Variants in TRIM33 observed in about 807,000 individuals in gnomAD.
TRIM33 encodes the protein tripartite motif containing 33.
In TRIM33, 20 loss-of-function variants were observed where a neutral mutation model predicts 125.4. The ratio of observed to expected loss-of-function variants is 0.16; its 90% CI spans 0.11 to 0.23. The LOEUF is 0.23. Among genes scored for constraint, TRIM33 ranks in the 10% least tolerant of loss-of-function variants. The pLI is 1.00. For synonymous variants in TRIM33, 564 were observed against 513.9 expected, an observed-to-expected ratio of 1.10 and a Z score of -1.32; for missense variants, 920 against 1,411.4, an observed-to-expected ratio of 0.65 and a Z score of 5.58.
chr1:114,399,787 T>C (rs1258465445), intron 17 of TRIM33, among the ~76,000 whole-genome samples, 178 bp from the exon 18 acceptor site: 1 of 152,168 alleles, frequency 6.6e-6, no homozygotes, highest in African/African-American at 2.4e-5. Flanking sequence ...TTATGTGGCA[T>C]ATGTGCCAAT....
chr1:114,427,712 T>C, intron 7 of TRIM33, 36 bp downstream of exon 7: 3 of 1,590,870 alleles, frequency 1.9e-6, no homozygotes, highest in Admixed American at 1.7e-5. Context: ...CTTAATAAAG[T>C]CCATTAAAGA....
chr1:114,473,051 T>TA (rs1247482863), intron 1 of TRIM33, among the ~76,000 whole-genome samples: 1 of 151,944 alleles, frequency 6.6e-6, no homozygotes, highest in Non-Finnish European at 1.5e-5. Flanking sequence ...GGTCAAGAGA[T>TA]AGAGACCATC....
intron 1 of TRIM33, among the ~76,000 whole-genome samples, chr1:114,476,631 T>C (rs992827027): frequency 1.3e-5 from 2 of 151,586 alleles, no homozygotes; most frequent in Non-Finnish European, 2.9e-5. Context: ...GAAAAAAACA[T>C]AGAGAAGTCA....
intron 4 of TRIM33, among the ~76,000 whole-genome samples, chr1:114,443,389 G>A (rs1251849316): frequency 1.4e-5 from 2 of 146,976 alleles, no homozygotes; most frequent in East Asian, 4.0e-4. Flanking sequence ...ATCTCAAAAT[G>A]AATGAATGAA....
Position 114,396,271 on chromosome 1 carries a change from C to T in TRIM33, c.*1377G>A, listed in dbSNP as rs1215169322. 2 of 204,270 alleles carry T rather than the reference C, an allele frequency of 9.8e-6. No individual in the cohort carries two copies. Among genetic ancestry groups the T allele is most frequent in the Non-Finnish European group, 2.0e-5 (2 of 99,322 alleles). 12.7% of individuals were successfully genotyped at this position (204,270 alleles called of 1,614,324 possible). A position where few individuals can be genotyped will look rare whatever the true frequency, so the allele number is the denominator to read the frequency against. On this transcript the variant is annotated 3_prime_UTR_variant, in exon 20 of 20. Coordinates refer to ENST00000358465, the MANE Select transcript of TRIM33 (RefSeq NM_015906.4). ...ACCAGAGCCAAGTTGGTTTATCGGCCTCGGGTGCTGTAATTGGGGTGGTAA... is the reference window on the plus strand; with the variant it reads ...ACCAGAGCCAAGTTGGTTTATCGGCTTCGGGTGCTGTAATTGGGGTGGTAA...
intron 17 of TRIM33, 49 bp downstream of exon 17, chr1:114,401,340 T>C (rs781176604): frequency 2.6e-6 from 4 of 1,528,456 alleles, no homozygotes; most frequent in Non-Finnish European, 1.8e-6. Context: ...GCCCATACTC[T>C]TAAGTATTAT....
intron 4 of TRIM33, among the ~76,000 whole-genome samples, chr1:114,458,939 G>T (rs2101353540): frequency 6.6e-6 from 1 of 152,248 alleles, no homozygotes; most frequent in East Asian, 1.9e-4. Context: ...GTAGTAATGG[G>T]AAGCTGGCTT....
intron 11 of TRIM33, among the ~76,000 whole-genome samples, chr1:114,416,436 C>CTTCTAG (rs1557851209): frequency 6.6e-6 from 1 of 152,028 alleles, no homozygotes. Flanking sequence ...TTCTAGTTAC[C>CTTCTAG]TAACTATATC....
At chr1:114,412,262 G>T (rs1271528842) in intron 11 of TRIM33, among the ~76,000 whole-genome samples, 1 of 152,130 alleles carries the variant, frequency 6.6e-6, no homozygotes, top group Admixed American at 6.6e-5. Flanking sequence ...ATTACTTTTG[G>T]CCCAGTAATT....
chr1:114,422,811 G>C (rs1647292061), intron 10 of TRIM33, among the ~76,000 whole-genome samples: 2 of 152,120 alleles, frequency 1.3e-5, no homozygotes, highest in South Asian at 4.1e-4. Flanking sequence ...AAATAGTTTT[G>C]ATAGATCGTT....
intron 1 of TRIM33, chr1:114,468,683 TAAA>T (rs1208196879): frequency 2.3e-6 from 1 of 441,954 alleles, no homozygotes; most frequent in Non-Finnish European, 4.5e-6. Context: ...TGCTTGGCAA[TAAA>T]AAGAAGAAAA....
chr1:114,510,366 G>T (rs1036852207), intron 1 of TRIM33, among the ~76,000 whole-genome samples, 185 bp downstream of exon 1: 2 of 152,018 alleles, frequency 1.3e-5, no homozygotes, highest in Admixed American at 6.6e-5. Context: ...CTCCCTTCAT[G>T]CTCCCCTTAT....
At chr1:114,501,428 G>T (rs1652709245) in intron 1 of TRIM33, among the ~76,000 whole-genome samples, 1 of 152,190 alleles carries the variant, frequency 6.6e-6, no homozygotes, top group African/African-American at 2.4e-5. Flanking sequence ...AGGACTACTA[G>T]AGTATCTTTC....
At chr1:114,457,059 G>A (rs565587679) in intron 4 of TRIM33, among the ~76,000 whole-genome samples, 3 of 152,266 alleles carry the variant, frequency 2.0e-5, no homozygotes, top group South Asian at 4.1e-4. Context: ...GGGTATATCC[G>A]TGTTTTGAAG....
intron 16 of TRIM33, 44 bp from the exon 17 acceptor site, chr1:114,401,507 C>T (rs760045245): frequency 3.9e-6 from 6 of 1,522,380 alleles, no homozygotes; most frequent in South Asian, 1.1e-5. Flanking sequence ...TATTTTTCTC[C>T]TAATAAAACA....
Position 114,410,261 on chromosome 1 carries a change from C to T in TRIM33, c.2117G>A (p.Gly706Asp). 3 of 1,613,860 alleles carry T rather than the reference C, an allele frequency of 1.9e-6. No individual in the cohort carries two copies. The highest frequency in any genetic ancestry group is 2.5e-6 in the Non-Finnish European group (3 of 1,179,940). ...TGTAGGCTGTGGGGGTAGGTGACTG[C>T]CTGAGATGTATCTACTTAGTAGATT... Reference protein sequence around the residue: ...LDNLLSRYISGSHLPPQPTST... With the variant: ...LDNLLSRYISDSHLPPQPTST... The change falls in exon 12 of 20, where the codon GGC becomes GAC. Residue 706 changes from glycine to aspartate, a missense_variant. Physicochemically the swap from Gly to Asp is moderately conservative, Grantham distance 94. Around this residue, in one of 8 missense-constraint regions of TRIM33, gnomAD observed 407 missense variants for 589.7 expected, o/e 0.69. Coordinates refer to ENST00000358465, the MANE Select transcript of TRIM33 (RefSeq NM_015906.4).
Position 114,410,285 on chromosome 1 carries a change from T to C in TRIM33, c.2093A>G (p.Asn698Ser). 1 of 1,613,668 alleles carries C rather than the reference T, an allele frequency of 6.2e-7. No homozygotes were observed. Among genetic ancestry groups the C allele is most frequent in the Non-Finnish European group, 8.5e-7 (1 of 1,179,862 alleles). ...LEDAGSSSLD[N>S]LLSRYISGSH... ...GCCTGAGATGTATCTACTTAGTAGA[T>C]TATCTAAACTACTTGAGCCAGCATC... The change falls in exon 12 of 20, where the codon AAT (asparagine) becomes AGT (serine). Residue 698 changes from asparagine to serine, a missense_variant. Physicochemically the swap from Asn to Ser is conservative, Grantham distance 46 (BLOSUM62 1). Transcript: ENST00000358465.
intron 1 of TRIM33, among the ~76,000 whole-genome samples, chr1:114,473,256 C>CA (rs35627159): frequency 0.28 from 29,308 of 105,938 alleles, 3,238 homozygotes; most frequent in Middle Eastern, 0.33. Context: ...GACTCTGTCT[C>CA]AAAAAAAAAA....
In TRIM33 at chr1:114,500,962, G is replaced by A. The variant is rs1452789978; in HGVS notation, c.526+9589C>T. Among the ~76,000 whole-genome samples the A allele has an allele frequency of 1.1e-4, 14 of 127,956 alleles. 3 individuals are homozygous for A. The highest frequency in any genetic ancestry group is 9.5e-4 in the Admixed American group (13 of 13,660). The allele number at this position is 127,956 out of a possible 152,430, so 83.9% of individuals were successfully genotyped here. On this transcript the variant is annotated intron_variant, in intron 1 of 19. Transcript: ENST00000358465. ...TCCCAGCACTTTGGGAGGCCGAGGCGGGCGGATCACGAGGTCAGGAGATCG... is the reference window on the plus strand; with the variant it reads ...TCCCAGCACTTTGGGAGGCCGAGGCAGGCGGATCACGAGGTCAGGAGATCG...
Sources: allele counts gnomAD v4.1 joint callset (sites outside exome capture counted in the v4.1 genomes callset), GRCh38; gene constraint gnomAD v4.1.1; regional missense constraint gnomAD v4.1.1; transcripts MANE v1.5; gene names NCBI Gene and HGNC (gene_info 2026-07-23, HGNC 2026-07-21).